The following RALYL variants were observed in gnomAD, a reference collection of about 807,000 sequenced individuals.
The protein encoded by RALYL is RALY RNA binding protein like.
Under a neutral mutation model 35.1 loss-of-function variants are expected in RALYL, and 29 were observed. That is an observed-to-expected ratio of 0.83 (90% confidence interval 0.61 to 1.13). The LOEUF is 1.13. RALYL is among the 50% of genes most tolerant of loss of function. RALYL has a pLI of 0.00. For missense variants in RALYL, 359 were observed against 360.4 expected, an observed-to-expected ratio of 1.00 and a Z score of 0.03; for synonymous variants, 120 against 127.6, an observed-to-expected ratio of 0.94 and a Z score of 0.40.
At chr8:84,249,775 T>C (rs193114480) in intron 1 of RALYL, among the ~76,000 whole-genome samples, 95 of 152,138 alleles carry the variant, frequency 6.2e-4, no homozygotes, top group African/African-American at 2.2e-3. Context: ...ATACTACATG[T>C]AGAAGATTCT....
chr8:84,228,788 C>A (rs529565705), intron 1 of RALYL, among the ~76,000 whole-genome samples: 21 of 152,252 alleles, frequency 1.4e-4, no homozygotes, highest in Admixed American at 1.3e-3. Context: ...CACCTATTCA[C>A]AGGGTGGCAG....
intron 2 of RALYL, among the ~76,000 whole-genome samples, chr8:84,732,668 T>TA (rs1846403584): frequency 7.5e-6 from 1 of 132,494 alleles, no homozygotes; most frequent in Non-Finnish European, 1.6e-5. Context: ...TATTAAATAA[T>TA]TATATATATA....
At chr8:84,383,949 AGGAT>A (rs1292975328) in intron 1 of RALYL, among the ~76,000 whole-genome samples, 2 of 151,736 alleles carry the variant, frequency 1.3e-5, no homozygotes, top group Non-Finnish European at 3.0e-5. Flanking sequence ...AATATCTAAA[AGGAT>A]AAAGAAACAA....
chr8:84,583,809 G>A (rs1048359687), intron 2 of RALYL, among the ~76,000 whole-genome samples: 3 of 152,098 alleles, frequency 2.0e-5, no homozygotes, highest in African/African-American at 4.8e-5. Context: ...TTGCAACAAC[G>A]TTGAGATGTA....
At chr8:84,398,534 C>T (rs2042570677) in intron 1 of RALYL, among the ~76,000 whole-genome samples, 2 of 151,996 alleles carry the variant, frequency 1.3e-5, no homozygotes, top group South Asian at 4.1e-4. Context: ...GTAGTAATAT[C>T]TTTTCTAGAT....
intron 2 of RALYL, among the ~76,000 whole-genome samples, chr8:84,738,696 A>T (rs1011617266): frequency 2.6e-5 from 4 of 152,050 alleles, no homozygotes; most frequent in African/African-American, 9.6e-5. Context: ...AATTGGGCAT[A>T]CTTTAGCACA....
intron 2 of RALYL, among the ~76,000 whole-genome samples, chr8:84,537,610 A>T (rs2059704096): frequency 6.6e-6 from 1 of 152,128 alleles, no homozygotes; most frequent in African/African-American, 2.4e-5. Flanking sequence ...TCTGAGATTC[A>T]TAGAAATATA....
intron 1 of RALYL, among the ~76,000 whole-genome samples, chr8:84,345,902 A>C (rs1849753356): frequency 6.6e-6 from 1 of 152,114 alleles, no homozygotes; most frequent in South Asian, 2.1e-4. Context: ...ACTGTGCATC[A>C]GTTTTCCAAG....
At chr8:84,307,562 CA>C (rs1563705331) in intron 1 of RALYL, among the ~76,000 whole-genome samples, 1 of 152,012 alleles carries the variant, frequency 6.6e-6, no homozygotes, top group Non-Finnish European at 1.5e-5. Flanking sequence ...GCATCAAAAC[CA>C]AAAATTTCCT....
chr8:84,700,461 A>G (rs1589088915), intron 2 of RALYL, among the ~76,000 whole-genome samples: 1 of 152,110 alleles, frequency 6.6e-6, no homozygotes. Context: ...ACATAAAAAA[A>G]CTGAACAAAA....
chr8:84,634,687 GA>G (rs1471342813), intron 2 of RALYL, among the ~76,000 whole-genome samples: 15 of 151,696 alleles, frequency 9.9e-5, no homozygotes, highest in African/African-American at 3.6e-4. Context: ...TAAACAATGG[GA>G]AAAATTGATA....
intron 1 of RALYL, among the ~76,000 whole-genome samples, chr8:84,196,478 A>G (rs745730908): frequency 1.3e-5 from 2 of 152,270 alleles, no homozygotes; most frequent in African/African-American, 2.4e-5. Context: ...GATTTTATGT[A>G]GCTCAGTGTA....
chr8:84,838,920 C>T (rs1832597678), intron 4 of RALYL, among the ~76,000 whole-genome samples: 2 of 152,100 alleles, frequency 1.3e-5, no homozygotes, highest in South Asian at 2.1e-4. Flanking sequence ...TTAAACTCTG[C>T]TGTCTGAGAT....
At chr8:84,750,571 G>A (rs958435467) in intron 2 of RALYL, among the ~76,000 whole-genome samples, 1 of 152,150 alleles carries the variant, frequency 6.6e-6, no homozygotes, top group African/African-American at 2.4e-5. Context: ...CAATTTGCCA[G>A]TACTGAGAGA....
chr8:84,260,837 T>G (rs941775161), intron 1 of RALYL, among the ~76,000 whole-genome samples: 3 of 152,208 alleles, frequency 2.0e-5, no homozygotes, highest in Non-Finnish European at 4.4e-5. Context: ...ATATGTTGAT[T>G]AAAAGCCCTA....
At chr8:84,855,750 CCT>C in intron 5 of RALYL, among the ~76,000 whole-genome samples, 1 of 152,300 alleles carries the variant, frequency 6.6e-6, no homozygotes, top group South Asian at 2.1e-4. Context: ...CTAAATCCAA[CCT>C]CTTTTTTCAA....
At chr8:84,526,435 A>G (rs2058904739) in intron 1 of RALYL, among the ~76,000 whole-genome samples, 1 of 152,074 alleles carries the variant, frequency 6.6e-6, no homozygotes, top group South Asian at 2.1e-4. Context: ...GCCTAAATTT[A>G]ATTCTCCAGG....
At chr8:84,372,415 G>T (rs1023467754) in intron 1 of RALYL, among the ~76,000 whole-genome samples, 10 of 151,980 alleles carry the variant, frequency 6.6e-5, no homozygotes, top group Admixed American at 5.9e-4. Context: ...TATTCTGCAT[G>T]TGGTAGCAGC....
Position 84,702,539 on chromosome 8 carries a change from T to TCACACACACACACACACACA in RALYL, c.257-72032_257-72013dup, listed in dbSNP as rs10678224. ...TGCATAGTCTCTCTCTCTCTCTCTC[T>TCACACACACACACACACACA]CACACACACACACACACACACACAC... On this transcript the variant is annotated intron_variant, in intron 2 of 8. Coordinates refer to ENST00000521268, the MANE Select transcript of RALYL (RefSeq NM_173848.7). Among the ~76,000 whole-genome samples the TCACACACACACACACACACA allele has an allele frequency of 2.0e-3, 268 of 136,514 alleles. 1 individual carries two copies. Among genetic ancestry groups the TCACACACACACACACACACA allele is most frequent in the African/African-American group, 7.2e-3 (234 of 32,538 alleles). 89.6% of individuals were successfully genotyped at this position (136,514 alleles called of 152,430 possible). A position where few individuals can be genotyped will look rare whatever the true frequency, so the allele number is the denominator to read the frequency against.
Sources: allele counts gnomAD v4.1 joint callset (sites outside exome capture counted in the v4.1 genomes callset), GRCh38; gene constraint gnomAD v4.1.1; transcripts MANE v1.5; gene names NCBI Gene and HGNC (gene_info 2026-07-23, HGNC 2026-07-21).